Variants in RABL2B observed in about 807,000 individuals in gnomAD.
RABL2B encodes RAB, member of RAS oncogene family like 2B, also known as rab-like protein 2B.
Under a neutral mutation model 26.7 loss-of-function variants are expected in RABL2B, and 17 were observed. That is an observed-to-expected ratio of 0.64 (90% CI 0.44 to 0.95). RABL2B has a LOEUF of 0.95. Ranked by LOEUF, RABL2B falls within the 40% of genes least tolerant of loss-of-function variation. The probability of loss-of-function intolerance (pLI) is 0.00; values close to 1 mark genes in which losing one functional copy is unlikely to be tolerated. For missense variants in RABL2B, 170 were observed against 277.2 expected (o/e 0.61, Z 2.75); for synonymous variants, 70 against 103.9 (o/e 0.67, Z 1.99).
At chr22:50,769,808 AATC>A (rs1452736319) in intron 6 of RABL2B, 94 bp downstream of exon 6, 12 of 1,184,264 alleles carry the variant, frequency 1.0e-5, no homozygotes, top group Admixed American at 6.3e-5. Context: ...AGGGAGGACC[AATC>A]ACTGAAGGTT....
intron 3 of RABL2B, 52 bp from the exon 4 acceptor site, chr22:50,776,801 T>C (rs1555924723): frequency 1.3e-6 from 2 of 1,562,962 alleles, no homozygotes; most frequent in Non-Finnish European, 1.7e-6. Context: ...AAGGAAGGAG[T>C]GGGGAGCAGG....
chr22:50,779,847 G>A (rs1420888401), intron 2 of RABL2B, among the ~76,000 whole-genome samples: 1 of 152,060 alleles, frequency 6.6e-6, no homozygotes, highest in Non-Finnish European at 1.5e-5. Flanking sequence ...TAGGCATGGT[G>A]GCGCATGCCT....
chr22:50,775,368 T>C (rs1446460054), intron 5 of RABL2B, among the ~76,000 whole-genome samples: 24 of 152,100 alleles, frequency 1.6e-4, no homozygotes, highest in Non-Finnish European at 3.4e-4. Context: ...GAAGGTTCTC[T>C]GGGACCCGCA....
chr22:50,769,353 C>T, intron 7 of RABL2B, 102 bp downstream of exon 7: 1 of 1,612,562 alleles, frequency 6.2e-7, no homozygotes, highest in South Asian at 1.1e-5. Context: ...CATGCACTGT[C>T]CCGGTTCTCT....
At chr22:50,770,688 A>G (rs1288110188) in intron 5 of RABL2B, among the ~76,000 whole-genome samples, 3 of 151,818 alleles carry the variant, frequency 2.0e-5, no homozygotes, top group African/African-American at 4.8e-5. Context: ...AAACTGTTTT[A>G]AAGTTCCTCT....
At chr22:50,772,977 G>C (rs1374254561) in intron 5 of RABL2B, 129 of 1,289,598 alleles carry the variant, frequency 1.0e-4, no homozygotes, top group Non-Finnish European at 1.3e-4. Flanking sequence ...TACTCGCCAG[G>C]GCCCGTGCAG....
intron 4 of RABL2B, among the ~76,000 whole-genome samples, 160 bp from the exon 5 acceptor site, chr22:50,776,011 GAC>G (rs1555923652): frequency 6.6e-6 from 1 of 152,178 alleles, no homozygotes; most frequent in Non-Finnish European, 1.5e-5. Flanking sequence ...GTGTCTTCAA[GAC>G]ACAGTGTACC....
chr22:50,782,423 C>T lies in RABL2B; in HGVS notation c.-53-76G>A, dbSNP rs1555930576. On this transcript the variant is annotated intron_variant, in intron 1 of 8. Coordinates refer to ENST00000691320, the MANE Select transcript of RABL2B (RefSeq NM_001130919.3). ...CCAAATCTCCAGCTGTACCTCCCTC[C>T]AGACTGCTTCCCTCAGTGCCAGACT... 4 of 1,527,984 alleles carry T rather than the reference C, an allele frequency of 2.6e-6. No homozygotes were observed. In the South Asian group the frequency reaches 3.6e-5, roughly 14 times the overall value. The allele number at this position is 1,527,984 out of a possible 1,614,324, so 94.7% of individuals were successfully genotyped here. A position where few individuals can be genotyped will look rare whatever the true frequency, so the allele number is the denominator to read the frequency against.
chr22:50,776,945 G>C (rs1228547769), intron 3 of RABL2B, among the ~76,000 whole-genome samples, 196 bp from the exon 4 acceptor site: 1 of 152,182 alleles, frequency 6.6e-6, no homozygotes, highest in Non-Finnish European at 1.5e-5. Context: ...GAAGGGTGAG[G>C]GGTGGGAGGA....
Position 50,782,338 on chromosome 22 carries a change from G to C in RABL2B, c.-44C>G, listed in dbSNP as rs553261839. The C allele has an allele frequency of 4.2e-5, 49 of 1,165,356 alleles. No individual in the cohort carries two copies. In the South Asian group the frequency reaches 7.9e-4, roughly 19 times the overall value. The allele number at this position is 1,165,356 out of a possible 1,614,324, so 72.2% of individuals were successfully genotyped here. ...AGGGGTCCAGCCCAAGGGAGGGGAG[G>C]GTATTGTCACTGTCTGGGAAGATCA... On this transcript the variant is annotated 5_prime_UTR_variant, in exon 2 of 9. Coordinates refer to ENST00000691320, the MANE Select transcript of RABL2B (RefSeq NM_001130919.3).
In RABL2B at chr22:50,775,069, G is replaced by A. The variant is rs1294192643; in HGVS notation, c.297+703C>T. On this transcript the variant is annotated intron_variant, in intron 5 of 8. Transcript: ENST00000691320. The stretch of plus-strand genomic sequence containing the variant: ...GCTGGGATTACAGGCATGAGCCACC[G>A]TGCCCAGCCATGAAAATGTTTTTTA... Among the ~76,000 whole-genome samples the A allele has an allele frequency of 4.1e-4, 62 of 152,262 alleles. 1 individual carries two copies. The highest frequency in any genetic ancestry group is 7.7e-4 in the East Asian group (4 of 5,186).
chr22:50,778,198 C>A (rs2085284943), intron 2 of RABL2B, among the ~76,000 whole-genome samples: 1 of 151,300 alleles, frequency 6.6e-6, no homozygotes. Flanking sequence ...AGTACACACA[C>A]CAGCCCACGT....
intron 5 of RABL2B, chr22:50,772,698 T>A: frequency 3.8e-6 from 4 of 1,045,710 alleles, no homozygotes; most frequent in Non-Finnish European, 3.5e-6. Flanking sequence ...CAGGCAAATT[T>A]CAATGAATCA....
chr22:50,783,213 T>TC (rs2147478612), intron 1 of RABL2B: 1 of 167,782 alleles, frequency 6.0e-6, no homozygotes, highest in African/African-American at 2.4e-5. Context: ...CGATCCTCCC[T>TC]CCTCGGCATC....
chr22:50,778,083 T>C (rs1158788640), intron 2 of RABL2B, 102 bp from the exon 3 acceptor site: 29 of 1,536,104 alleles, frequency 1.9e-5, no homozygotes, highest in Non-Finnish European at 2.6e-5. Flanking sequence ...ACCTGTGGCT[T>C]CCCTTCCCCC....
chr22:50,778,977 T>A (rs545314808), intron 2 of RABL2B, among the ~76,000 whole-genome samples: 186 of 150,160 alleles, frequency 1.2e-3, no homozygotes, highest in African/African-American at 4.3e-3. Flanking sequence ...CATCATCTTC[T>A]TAGATCACGT....
chr22:50,769,322 C>T (rs2083788729), intron 7 of RABL2B, 133 bp downstream of exon 7: 3 of 1,596,934 alleles, frequency 1.9e-6, no homozygotes, highest in South Asian at 1.1e-5. Flanking sequence ...ATCAGCTCCT[C>T]CCCTCCCTGC....
intron 1 of RABL2B, among the ~76,000 whole-genome samples, chr22:50,782,566 G>A (rs1284279392): frequency 3.5e-4 from 53 of 152,070 alleles, no homozygotes; most frequent in African/African-American, 1.1e-3. Context: ...TGCTCCTCAC[G>A]TTACCCATTT....
intron 5 of RABL2B, chr22:50,770,429 A>C (rs1323008564): frequency 4.6e-5 from 12 of 258,900 alleles, no homozygotes; most frequent in African/African-American, 2.0e-4. Flanking sequence ...AGGCAGGAGA[A>C]TTGCTTGAAC....
Sources: gnomAD v4.1 joint callset for allele counts (sites outside exome capture counted in the v4.1 genomes callset) on GRCh38, gnomAD v4.1.1 for gene constraint, MANE v1.5 for transcripts, NCBI Gene and HGNC (gene_info 2026-07-23, HGNC 2026-07-21) for gene names.